DUOX2: variants seen among roughly 807,000 people sequenced by gnomAD.
DUOX2 encodes NADH/NADPH thyroid oxidase p138-tox.
In DUOX2, 185 loss-of-function variants were observed where a neutral mutation model predicts 183.3. The observed-to-expected ratio is 1.01, with a 90% CI of 0.90 to 1.14. The LOEUF (loss-of-function observed/expected upper bound fraction) is 1.14. Among genes scored for constraint, DUOX2 ranks in the 50% most tolerant of loss-of-function variants. The probability of loss-of-function intolerance (pLI) is 0.00; values close to 1 mark genes in which losing one functional copy is unlikely to be tolerated. For missense variants in DUOX2, 1,999 were observed against 2,022.9 expected (o/e 0.99, Z 0.23); for synonymous variants, 788 against 812.4 (o/e 0.97, Z 0.51).
chr15:45,109,205 C>T, intron 11 of DUOX2: 2 of 609,316 alleles, frequency 3.3e-6, no homozygotes, highest in South Asian at 1.9e-5. Context: ...AGTAAATTCC[C>T]TGTCCTATGC....
chr15:45,092,749 C>G lies in DUOX2; in HGVS notation c.*1401G>C, dbSNP rs893078174. ...GAAGAATAAACAAACTGTGGTACAT[C>G]TCTACAATAGAATACTACTCAGCAA... On this transcript the variant is annotated 3_prime_UTR_variant, in exon 34 of 34. Coordinates refer to ENST00000389039, the MANE Select transcript of DUOX2 (RefSeq NM_001363711.2). The G allele has an allele frequency of 6.6e-6, 1 of 152,210 alleles. No homozygotes were observed. Among genetic ancestry groups the G allele is most frequent in the African/African-American group, 2.4e-5 (1 of 41,450 alleles). 9.4% of individuals were successfully genotyped at this position (152,210 alleles called of 1,614,324 possible).
chr15:45,101,733 A>T, intron 21 of DUOX2, 60 bp downstream of exon 21: 2 of 1,610,572 alleles, frequency 1.2e-6, no homozygotes, highest in Non-Finnish European at 1.7e-6. Context: ...GCCCACCAGG[A>T]ACTCTCATTT....
At position 45,112,723 on chromosome 15, in the gene DUOX2, G is replaced by A. The variant is rs1313539404; in HGVS notation, c.161-5C>T. ...CGCGGCGCTGCAACCGGCAGCCTGC[G>A]GAGGCAGGGAGCGGGGCTCTGTCTA... On this transcript the variant is annotated splice_region_variant and splice_polypyrimidine_tract_variant and intron_variant, in intron 3 of 33. Transcript: ENST00000389039. The A allele has an allele frequency of 5.6e-6, 9 of 1,611,042 alleles. No homozygotes were observed. Among genetic ancestry groups the A allele is most frequent in the Non-Finnish European group, 7.6e-6 (9 of 1,179,866 alleles).
In DUOX2 at chr15:45,097,993, G is replaced by A. The variant is rs764464268; in HGVS notation, c.3565+16C>T. 5.0e-6 allele frequency: 8 copies of A among 1,613,672 alleles called. No homozygotes were observed. The Admixed American group carries it at 1.3e-4, about 27-fold the overall frequency. On this transcript the variant is annotated intron_variant, in intron 27 of 33. Transcript: ENST00000389039. ...AGAAGTCCTCAGACAGAACCCCCAG[G>A]TCCCACGTTTCCTACCTGGGACGGT...
At chr15:45,112,119 T>C (rs1199846779) in intron 4 of DUOX2, among the ~76,000 whole-genome samples, 164 bp from the exon 5 acceptor site, 1 of 152,226 alleles carries the variant, frequency 6.6e-6, no homozygotes, top group African/African-American at 2.4e-5. Context: ...TTTTCTAATC[T>C]GCAAAGTAAG....
intron 13 of DUOX2, 72 bp downstream of exon 13, chr15:45,107,975 T>TC (rs1175730867): frequency 1.4e-5 from 23 of 1,591,756 alleles, no homozygotes; most frequent in Non-Finnish European, 1.9e-5. Flanking sequence ...ATAGGGGCTG[T>TC]CTAAGGCTAG....
At chr15:45,109,040 G>C in intron 11 of DUOX2, 88 bp from the exon 12 acceptor site, 1 of 1,533,670 alleles carries the variant, frequency 6.5e-7, no homozygotes, top group Non-Finnish European at 9.0e-7. Context: ...TGGCACTACG[G>C]TTCTTCCCTC....
rs761910530 is a variant in DUOX2 at position 45,111,581 on chromosome 15, T to A, written c.518A>T (p.Asn173Ile). The A allele has an allele frequency of 6.5e-7, 1 of 1,540,304 alleles. No homozygotes were observed. The highest frequency in any genetic ancestry group is 1.4e-5 in the African/African-American group (1 of 70,680). Reference sequence around the variant, plus strand: ...GCCGTCCAGCCAGCCCGTCACCTGGTTGGCCTGCGGGGCACGCGGCGGGTG... The same window carrying A: ...GCCGTCCAGCCAGCCCGTCACCTGGATGGCCTGCGGGGCACGCGGCGGGTG... ...RSPSNPRDLA[N>I]QVTGWLDGSA... Residue 173 changes from asparagine (N) to isoleucine (I), a missense_variant, in exon 6 of 34, where the codon AAC becomes ATC. Asn to Ile is a moderately radical substitution (Grantham distance 149). Coordinates refer to ENST00000389039, the MANE Select transcript of DUOX2 (RefSeq NM_001363711.2).
intron 12 of DUOX2, 41 bp from the exon 13 acceptor site, chr15:45,108,263 T>C (rs1894281100): frequency 6.2e-7 from 1 of 1,610,190 alleles, no homozygotes; most frequent in Non-Finnish European, 8.5e-7. Context: ...GTATGTTTGC[T>C]GCGGAGGGCA....
rs757964910 is a variant in DUOX2 at position 45,097,647 on chromosome 15, C to T, written c.3660G>A (p.Leu1220=). The T allele has an allele frequency of 6.0e-5, 97 of 1,614,112 alleles. 2 individuals are homozygous for T. In the South Asian group the frequency reaches 1.0e-3, roughly 17 times the overall value. ...FRRRSFRGFW[L]THHLYILLYA... is the part of the protein sequence containing the mutation. ...AGAGCAGGATGTAGAGGTGGTGGGT[C>T]AGCCAGAAGCCCCGGAAGCTGCGGC... The change falls in exon 28 of 34, where the codon CTG becomes CTA. Residue 1220 remains leucine, a synonymous_variant. Transcript: ENST00000389039.
rs1180503635 is a variant in DUOX2 at position 45,104,353 on chromosome 15, T to C, written c.2347A>G (p.Asn783Asp). The change falls in exon 19 of 34, where the codon AAC becomes GAC. Residue 783 changes from asparagine (N) to aspartate (D), a missense_variant. Transcript: ENST00000389039. The part of the protein sequence containing the change: ...RHLFAQVLDI[N>D]QADAGTLPLD... ...GGCAGGGTCCCTGCGTCGGCCTGGT[T>C]GATGTCCAGCACCTGCACTCGGGCA... is the stretch of plus-strand genomic sequence containing the variant. The C allele has an allele frequency of 6.2e-7, 1 of 1,613,676 alleles. No individual in the cohort carries two copies.
rs1894470437 is a variant in DUOX2, at chr15:45,112,669, A to C, written c.210T>G (p.Tyr70Ter). The C allele has an allele frequency of 6.2e-7, 1 of 1,612,688 alleles. No homozygotes were observed. Among genetic ancestry groups the C allele is most frequent in the Non-Finnish European group, 8.5e-7 (1 of 1,179,904 alleles). Residue 70 changes from tyrosine (Y) to a stop codon, truncating the protein, a stop_gained, in exon 4 of 34, where the codon TAT becomes TAG. Coordinates refer to ENST00000389039, the MANE Select transcript of DUOX2 (RefSeq NM_001363711.2). LOFTEE classifies it high-confidence loss of function. The stretch of plus-strand genomic sequence containing the variant: ...GCAGCTGCGGCTCCTCCAGAGCCTG[A>C]TACACACCGTCGGCGTAATTGGCTG... Reference protein sequence around the residue: ...RVPANYADGVYQALEEPQLPN... With the variant: ...RVPANYADGV
Position 45,112,998 on chromosome 15 carries a change from C to T in DUOX2, c.149G>A (p.Arg50His), listed in dbSNP as rs1894489769. 7 of 1,613,660 alleles carry T rather than the reference C, an allele frequency of 4.3e-6. No individual in the cohort carries two copies. The highest frequency in any genetic ancestry group is 5.9e-6 in the Non-Finnish European group (7 of 1,179,940). ...GWFNNLRHHE[R>H]GAVGCRLQRR... ...CCCCCAGAACGCACCAACAGCACCA[C>T]GCTCGTGGTGCCTCAGGTTGTTAAA... Residue 50 changes from arginine (R) to histidine (H), a missense_variant, in exon 3 of 34, where the codon CGT becomes CAT. Arg to His is a conservative substitution (Grantham distance 29). Coordinates refer to ENST00000389039, the MANE Select transcript of DUOX2 (RefSeq NM_001363711.2).
rs574909860 is a variant in DUOX2 at position 45,110,808 on chromosome 15, A to T, written c.883-98T>A. 3 of 1,577,010 alleles carry T rather than the reference A, an allele frequency of 1.9e-6. No homozygotes were observed. In the African/African-American group the frequency reaches 4.0e-5, roughly 21 times the overall value. On this transcript the variant is annotated intron_variant, in intron 7 of 33. Transcript: ENST00000389039. ...ACGGCTTCCGTGTGGAGATGAGACC[A>T]GGAAGGGTCAATCATGGGAGAAGCA... is the stretch of plus-strand genomic sequence containing the variant.
At position 45,106,581 on chromosome 15, in the gene DUOX2, T is replaced by G. The variant is rs558159350; in HGVS notation, c.1892A>C (p.Gln631Pro). ...CTTCACGCTCTCTTTGAGTTTCTTT[T>G]GTAGCTTCTTGTGTTCTCGGCCCCG... Reference protein sequence around the residue: ...YFRGREHKKLQKKLKESVKKE... With the variant: ...YFRGREHKKLPKKLKESVKKE... The change falls in exon 16 of 34, where the codon CAA becomes CCA. Residue 631 changes from glutamine to proline, a missense_variant. Gln to Pro is a moderately conservative substitution (Grantham distance 76, BLOSUM62 -1). Coordinates refer to ENST00000389039, the MANE Select transcript of DUOX2 (RefSeq NM_001363711.2). 2 of 1,614,208 alleles carry G rather than the reference T, an allele frequency of 1.2e-6. No individual in the cohort carries two copies. Among genetic ancestry groups the G allele is most frequent in the South Asian group, 1.1e-5 (1 of 91,084 alleles).
rs555975982 is a variant in DUOX2, at chr15:45,109,755, G to A, written c.1132-129C>T. 1.0e-3 allele frequency: 1,332 copies of A among 1,309,904 alleles called. 2 individuals are homozygous for A. Among genetic ancestry groups the A allele is most frequent in the Non-Finnish European group, 1.3e-3 (1,157 of 908,168 alleles). 81.1% of individuals were successfully genotyped at this position (1,309,904 alleles called of 1,614,324 possible). A position where few individuals can be genotyped will look rare whatever the true frequency, so the allele number is the denominator to read the frequency against. On this transcript the variant is annotated intron_variant, in intron 10 of 33. Transcript: ENST00000389039. Reference sequence around the variant, plus strand: ...CAGACTCTCTTGAACTGTTGTCCCCGGATAATTTCCTCTACCCTTCATCTC... The same window carrying A: ...CAGACTCTCTTGAACTGTTGTCCCCAGATAATTTCCTCTACCCTTCATCTC...
At chr15:45,101,711 G>C (rs1324410961) in intron 21 of DUOX2, 82 bp downstream of exon 21, 8 of 1,580,456 alleles carry the variant, frequency 5.1e-6, no homozygotes, top group Non-Finnish European at 6.9e-6. Context: ...AAAAGAGTAA[G>C]ACCTGGGTCC....
intron 23 of DUOX2, 177 bp from the exon 24 acceptor site, chr15:45,100,405 C>T (rs747104273): frequency 6.3e-6 from 4 of 634,106 alleles, no homozygotes; most frequent in African/African-American, 3.7e-5. Flanking sequence ...TCTGTCTTTG[C>T]TCCATCCACC....
chr15:45,112,501 C>T lies in DUOX2; in HGVS notation c.325+53G>A, dbSNP rs76180151. On this transcript the variant is annotated intron_variant, in intron 4 of 33. Coordinates refer to ENST00000389039, the MANE Select transcript of DUOX2 (RefSeq NM_001363711.2). The stretch of plus-strand genomic sequence containing the variant: ...CGCAGACGGGATCTGGCCCCTCCCC[C>T]AGGCTGAGCAGAGCGCCAGATCAAC... The T allele has an allele frequency of 0.016, 25,055 of 1,599,224 alleles. 301 individuals carry two copies. Among genetic ancestry groups the T allele is most frequent in the East Asian group, 0.056 (2,491 of 44,448 alleles).
Sources: gnomAD v4.1 joint callset for allele counts (sites outside exome capture counted in the v4.1 genomes callset) on GRCh38, gnomAD v4.1.1 for gene constraint, MANE v1.5 for transcripts, NCBI Gene and HGNC (gene_info 2026-07-23, HGNC 2026-07-21) for gene names.